CNBD1: variants seen among roughly 807,000 people sequenced by gnomAD.
CNBD1 encodes cyclic nucleotide-binding domain-containing protein 1.
CNBD1 carries 71 observed loss-of-function variants against 54.4 expected under a neutral mutation model. The observed-to-expected ratio is 1.30, with a 90% CI of 1.08 to 1.59. The LOEUF (loss-of-function observed/expected upper bound fraction) is 1.59. Ranked by LOEUF, CNBD1 falls within the 40% of genes most tolerant of loss-of-function variation. The probability of loss-of-function intolerance (pLI) is 0.00; values close to 1 mark genes in which losing one functional copy is unlikely to be tolerated. For missense variants in CNBD1, 659 were observed against 518.0 expected (o/e 1.27, Z -2.64); for synonymous variants, 182 against 170.7 (o/e 1.07, Z -0.51).
At chr8:87,373,642 T>G (rs1417100121) in intron 10 of CNBD1, among the ~76,000 whole-genome samples, 4 of 151,746 alleles carry the variant, frequency 2.6e-5, no homozygotes, top group Admixed American at 2.0e-4. Flanking sequence ...TGTCTGTAGA[T>G]GAAAGAAAAT....
chr8:87,368,350 A>G (rs986778107), intron 10 of CNBD1, among the ~76,000 whole-genome samples: 2 of 152,046 alleles, frequency 1.3e-5, no homozygotes, highest in African/African-American at 4.8e-5. Flanking sequence ...TTAATAAAAA[A>G]GTAGATTGGG....
At chr8:87,053,190 G>T (rs181770805) in intron 4 of CNBD1, among the ~76,000 whole-genome samples, 2 of 152,172 alleles carry the variant, frequency 1.3e-5, no homozygotes, top group Non-Finnish European at 2.9e-5. Context: ...GGGTTGTGTC[G>T]CAGGACAAAG....
intron 1 of CNBD1, among the ~76,000 whole-genome samples, chr8:86,882,181 T>C (rs1808614869): frequency 6.6e-6 from 1 of 151,962 alleles, no homozygotes; most frequent in African/African-American, 2.4e-5. Flanking sequence ...ACAAATGAGA[T>C]CTAATTAAAC....
intron 8 of CNBD1, among the ~76,000 whole-genome samples, chr8:87,292,158 G>T (rs10808369): frequency 0.28 from 43,032 of 151,980 alleles, 6,569 homozygotes; most frequent in African/African-American, 0.4. Flanking sequence ...TAAAACACAA[G>T]CTATTGCTTT....
chr8:86,938,574 C>T (rs1483520213), intron 3 of CNBD1, among the ~76,000 whole-genome samples: 2 of 152,156 alleles, frequency 1.3e-5, no homozygotes, highest in African/African-American at 2.4e-5. Context: ...AAATAGAGAC[C>T]TTGTGTAGGC....
intron 4 of CNBD1, among the ~76,000 whole-genome samples, chr8:87,036,593 C>CT (rs1428103871): frequency 8.8e-5 from 3 of 34,120 alleles, no homozygotes; most frequent in East Asian, 1.3e-3. Flanking sequence ...GACTGCATCT[C>CT]TAAAAAAAAA....
At chr8:86,906,574 T>C (rs1809021355) in intron 3 of CNBD1, among the ~76,000 whole-genome samples, 1 of 152,234 alleles carries the variant, frequency 6.6e-6, no homozygotes, top group Admixed American at 6.5e-5. Flanking sequence ...AAATACTTTG[T>C]ACTTTTTGAT....
At chr8:87,222,933 TA>T (rs1814373966) in intron 5 of CNBD1, among the ~76,000 whole-genome samples, 1 of 152,140 alleles carries the variant, frequency 6.6e-6, no homozygotes, top group South Asian at 2.1e-4. Context: ...ACTAGGTATA[TA>T]AATACTTTTA....
In CNBD1 at chr8:87,163,942, G is replaced by T. The variant is rs1812909711; in HGVS notation, c.432-42051G>T. The stretch of plus-strand genomic sequence containing the variant: ...AGTTAGAGGTGGTCCTGTGATATAT[G>T]GTCTTTATTGTATTGAGATACTTTC... On this transcript the variant is annotated intron_variant, in intron 4 of 10. Coordinates refer to ENST00000518476, the MANE Select transcript of CNBD1 (RefSeq NM_173538.3). This position sits in a 1 kb window ranked among gnomAD's most constrained non-coding sequence, Gnocchi z 4.5. 6.6e-6 allele frequency among the ~76,000 whole-genome samples: 1 copy of T among 151,890 alleles called. No individual in the cohort carries two copies. Among genetic ancestry groups the T allele is most frequent in the East Asian group, 1.9e-4 (1 of 5,172 alleles).
At chr8:86,937,643 C>T (rs924659114) in intron 3 of CNBD1, among the ~76,000 whole-genome samples, 5 of 152,144 alleles carry the variant, frequency 3.3e-5, no homozygotes, top group African/African-American at 7.2e-5. Context: ...TTGACCTCTA[C>T]GTTGGCCCCT....
chr8:87,380,044 A>G (rs898788867), intron 10 of CNBD1, among the ~76,000 whole-genome samples: 2 of 151,958 alleles, frequency 1.3e-5, no homozygotes, highest in Non-Finnish European at 2.9e-5. Flanking sequence ...ATGCAAGACA[A>G]TAATATAAAC....
intron 3 of CNBD1, among the ~76,000 whole-genome samples, chr8:86,932,301 C>T (rs4422790): frequency 0.53 from 80,979 of 151,928 alleles, 21,816 homozygotes; most frequent in South Asian, 0.6. Context: ...GAAAGGGACA[C>T]GTATCCATGT....
intron 10 of CNBD1, among the ~76,000 whole-genome samples, chr8:87,376,204 T>C (rs1410585088): frequency 1.3e-5 from 2 of 151,908 alleles, no homozygotes; most frequent in South Asian, 4.1e-4. Context: ...CAACAAACGT[T>C]TATTTTCCCA....
intron 8 of CNBD1, among the ~76,000 whole-genome samples, chr8:87,293,356 CAACATGATGA>C (rs1017730500): frequency 1.3e-5 from 2 of 152,006 alleles, no homozygotes; most frequent in African/African-American, 2.4e-5. Flanking sequence ...CCAGCCTGGA[CAACATGATGA>C]AACCACGTCT....
At chr8:87,251,595 G>GAAAAAAAAAAAAA in intron 6 of CNBD1, among the ~76,000 whole-genome samples, 1 of 135,398 alleles carries the variant, frequency 7.4e-6, no homozygotes, top group Non-Finnish European at 1.6e-5. Context: ...TCTCAAAAAA[G>GAAAAAAAAAAAAA]AAAAAAAAAA....
intron 3 of CNBD1, among the ~76,000 whole-genome samples, chr8:86,922,934 C>G (rs1000739965): frequency 2.6e-5 from 4 of 152,066 alleles, no homozygotes; most frequent in African/African-American, 4.8e-5. Flanking sequence ...TAAGGAGAAA[C>G]TACAATGTTG....
At chr8:87,304,494 G>A (rs1254546493) in intron 8 of CNBD1, among the ~76,000 whole-genome samples, 1 of 151,974 alleles carries the variant, frequency 6.6e-6, no homozygotes, top group African/African-American at 2.4e-5. Context: ...TGTGGGGTGG[G>A]GTGAGGGGGG....
chr8:86,988,143 G>GTTTTTTTT (rs34699647), intron 4 of CNBD1, among the ~76,000 whole-genome samples: 3 of 134,350 alleles, frequency 2.2e-5, no homozygotes, highest in Non-Finnish European at 4.8e-5. Flanking sequence ...TGGTTGATAG[G>GTTTTTTTT]TTTTTTTTTT....
intron 2 of CNBD1, among the ~76,000 whole-genome samples, chr8:87,403,568 A>T (rs1002299983): frequency 6.6e-6 from 1 of 152,058 alleles, no homozygotes; most frequent in African/African-American, 2.4e-5. Context: ...ATGTTGCTTT[A>T]CTTCTCTCAC....
Sources: allele counts gnomAD v4.1 joint callset (sites outside exome capture counted in the v4.1 genomes callset), GRCh38; gene constraint gnomAD v4.1.1; non-coding constraint Gnocchi (gnomAD v3.1); transcripts MANE v1.5; gene names NCBI Gene and HGNC (gene_info 2026-07-23, HGNC 2026-07-21).